USP12: variants seen among roughly 807,000 people sequenced by gnomAD.
The protein encoded by USP12 is ubiquitin specific peptidase 12.
In USP12, 19 loss-of-function variants were observed where a neutral mutation model predicts 45.5. The ratio of observed to expected loss-of-function variants is 0.42; its 90% CI spans 0.29 to 0.61. USP12 has a LOEUF of 0.61. Ranked by LOEUF, USP12 falls within the 20% of genes least tolerant of loss-of-function variation. The pLI is 0.22. For synonymous variants in USP12, 149 were observed against 148.8 expected, an observed-to-expected ratio of 1.00 and a Z score of -0.01; for missense variants, 242 against 447.7, an observed-to-expected ratio of 0.54 and a Z score of 4.15.
intron 1 of USP12, among the ~76,000 whole-genome samples, chr13:27,137,768 G>A (rs889634481): frequency 2.0e-5 from 3 of 152,170 alleles, no homozygotes; most frequent in Admixed American, 1.3e-4. Context: ...AGAAAATGAC[G>A]GAAGAGATGG....
At chr13:27,101,135 C>CA (rs905623921) in intron 3 of USP12, among the ~76,000 whole-genome samples, 5 of 151,884 alleles carry the variant, frequency 3.3e-5, no homozygotes, top group Admixed American at 2.0e-4. Flanking sequence ...CAAAGTAAAC[C>CA]AAAAAAATAA....
At chr13:27,090,865 TTCA>T (rs1401507404) in intron 4 of USP12, among the ~76,000 whole-genome samples, 1 of 152,204 alleles carries the variant, frequency 6.6e-6, no homozygotes, top group East Asian at 1.9e-4. Flanking sequence ...CATAGAGTTG[TTCA>T]TCGAACAACT....
intron 3 of USP12, among the ~76,000 whole-genome samples, chr13:27,099,420 A>G (rs1474872044): frequency 6.6e-6 from 1 of 152,126 alleles, no homozygotes; most frequent in Non-Finnish European, 1.5e-5. Context: ...TCCTAGGCTC[A>G]AGCAATCTGC....
intron 1 of USP12, among the ~76,000 whole-genome samples, chr13:27,170,695 G>A (rs1267549522): frequency 6.6e-6 from 1 of 152,226 alleles, no homozygotes; most frequent in Non-Finnish European, 1.5e-5. Context: ...AAACGCCCTA[G>A]GAAAACAAAT....
chr13:27,155,646 A>G (rs1345864416), intron 1 of USP12, among the ~76,000 whole-genome samples: 1 of 152,148 alleles, frequency 6.6e-6, no homozygotes, highest in East Asian at 1.9e-4. Context: ...TAAATATATA[A>G]CCCTGAGGCG....
intron 4 of USP12, 96 bp downstream of exon 4, chr13:27,095,505 A>G (rs2137775991): frequency 1.1e-6 from 1 of 908,256 alleles, no homozygotes; most frequent in East Asian, 2.7e-5. Flanking sequence ...AAGAATTACA[A>G]CTTTCAAGTT....
intron 1 of USP12, among the ~76,000 whole-genome samples, chr13:27,120,546 C>G (rs564435348): frequency 6.6e-6 from 1 of 151,348 alleles, no homozygotes; most frequent in East Asian, 1.9e-4. Context: ...TCCAGCTATT[C>G]AGGAGGCTGA....
chr13:27,106,300 T>A (rs1260624088), intron 2 of USP12, among the ~76,000 whole-genome samples: 1 of 150,950 alleles, frequency 6.6e-6, no homozygotes, highest in Non-Finnish European at 1.5e-5. Flanking sequence ...AGACATCAAA[T>A]CCTTAACTAT....
chr13:27,156,438 C>T (rs186451072), intron 1 of USP12, among the ~76,000 whole-genome samples: 80 of 152,246 alleles, frequency 5.3e-4, no homozygotes, highest in Non-Finnish European at 9.7e-4. Context: ...AGTGACGAAA[C>T]GCAACGATGA....
intron 1 of USP12, among the ~76,000 whole-genome samples, chr13:27,164,515 C>T (rs1878264407): frequency 2.0e-5 from 3 of 152,192 alleles, no homozygotes; most frequent in Admixed American, 6.5e-5. Context: ...TGGTGCTCTA[C>T]ATTAAATTTC....
chr13:27,147,090 A>T (rs1877340193), intron 1 of USP12, among the ~76,000 whole-genome samples: 1 of 152,184 alleles, frequency 6.6e-6, no homozygotes, highest in Non-Finnish European at 1.5e-5. Context: ...GACTTCTGGA[A>T]TCCAGAATTG....
At chr13:27,124,868 C>A (rs1377552534) in intron 1 of USP12, among the ~76,000 whole-genome samples, 3 of 152,174 alleles carry the variant, frequency 2.0e-5, no homozygotes, top group Non-Finnish European at 4.4e-5. Flanking sequence ...TGCCCAGAAA[C>A]TGAATCAAAG....
chr13:27,146,730 T>G lies in USP12; in HGVS notation c.48+24862A>C, dbSNP rs368719551. Reference sequence around the variant, plus strand: ...AAGATGGCAATATTCCTTTAATTCATCCGTTATGCATTGAACTATGCACCC... The same window carrying G: ...AAGATGGCAATATTCCTTTAATTCAGCCGTTATGCATTGAACTATGCACCC... On this transcript the variant is annotated intron_variant, in intron 1 of 8. Coordinates refer to ENST00000282344, the MANE Select transcript of USP12 (RefSeq NM_182488.4). Among the ~76,000 whole-genome samples, 4 of 152,130 alleles carry G rather than the reference T, an allele frequency of 2.6e-5. No individual in the cohort carries two copies. In the South Asian group the frequency reaches 8.3e-4, roughly 32 times the overall value.
chr13:27,171,396 C>T (rs1257292260), intron 1 of USP12, among the ~76,000 whole-genome samples, 196 bp downstream of exon 1: 2 of 147,136 alleles, frequency 1.4e-5, no homozygotes, highest in African/African-American at 2.5e-5. Context: ...CCTCCCCAGC[C>T]GCCTGGGCCG....
At chr13:27,106,790 A>G (rs479920) in intron 2 of USP12, among the ~76,000 whole-genome samples, 149,526 of 152,216 alleles carry the variant, frequency 0.98, 73,495 homozygotes, top group East Asian at 1. Context: ...AGAGATGGAT[A>G]AAAATGAGAC....
At chr13:27,096,604 ATTAACT>A (rs1397598728) in intron 3 of USP12, among the ~76,000 whole-genome samples, 2 of 152,232 alleles carry the variant, frequency 1.3e-5, no homozygotes, top group African/African-American at 4.8e-5. Context: ...TAATATTGTT[ATTAACT>A]TTATTTGTAA....
chr13:27,142,170 G>A (rs1307641153), intron 1 of USP12, among the ~76,000 whole-genome samples: 1 of 152,170 alleles, frequency 6.6e-6, no homozygotes, highest in Non-Finnish European at 1.5e-5. Context: ...TGAAGACAGT[G>A]AAAAGCCTGG....
chr13:27,156,670 A>C (rs1231456903), intron 1 of USP12, among the ~76,000 whole-genome samples: 2 of 152,138 alleles, frequency 1.3e-5, no homozygotes, highest in Non-Finnish European at 2.9e-5. Flanking sequence ...AAAATACAAA[A>C]ATTAGCTGGG....
chr13:27,161,845 G>A (rs142982308), intron 1 of USP12, among the ~76,000 whole-genome samples: 1 of 151,574 alleles, frequency 6.6e-6, no homozygotes, highest in Admixed American at 6.6e-5. Context: ...CTGCACCACT[G>A]CACTCCAGCC....
Sources: allele counts gnomAD v4.1 joint callset (sites outside exome capture counted in the v4.1 genomes callset), GRCh38; gene constraint gnomAD v4.1.1; transcripts MANE v1.5; gene names NCBI Gene and HGNC (gene_info 2026-07-23, HGNC 2026-07-21).